The following TNFAIP8L3 variants were observed in gnomAD, a reference collection of about 807,000 sequenced individuals.
TNFAIP8L3 encodes the protein TNF alpha induced protein 8 like 3, also known as tumor necrosis factor alpha-induced protein 8-like protein 3.
TNFAIP8L3 carries 7 observed loss-of-function variants against 11.8 expected under a neutral mutation model. The ratio of observed to expected loss-of-function variants is 0.59; its 90% CI spans 0.34 to 1.11. The LOEUF (loss-of-function observed/expected upper bound fraction) is 1.11. TNFAIP8L3 is among the 50% of genes most tolerant of loss of function. The pLI, the probability that TNFAIP8L3 is intolerant of heterozygous loss-of-function variation, is 0.03. For missense variants in TNFAIP8L3, 219 were observed against 258.6 expected, an observed-to-expected ratio of 0.85 and a Z score of 1.05; for synonymous variants, 98 against 103.8, an observed-to-expected ratio of 0.94 and a Z score of 0.34.
At chr15:51,071,549 TC>T (rs1429552259) in intron 1 of TNFAIP8L3, among the ~76,000 whole-genome samples, 27 of 152,398 alleles carry the variant, frequency 1.8e-4, no homozygotes, top group Middle Eastern at 3.4e-3. Flanking sequence ...TTATTCCACA[TC>T]CTGTTTTCAA....
intron 1 of TNFAIP8L3, among the ~76,000 whole-genome samples, chr15:51,093,174 C>G (rs1186979067): frequency 6.6e-6 from 1 of 152,182 alleles, no homozygotes; most frequent in African/African-American, 2.4e-5. Flanking sequence ...TATATCATAC[C>G]TAGGCAAAGC....
intron 1 of TNFAIP8L3, among the ~76,000 whole-genome samples, chr15:51,060,349 C>T (rs185018452): frequency 2.6e-5 from 4 of 152,282 alleles, no homozygotes; most frequent in Non-Finnish European, 4.4e-5. Flanking sequence ...TTTGAGTAAT[C>T]GTCCTGTCAC....
intron 1 of TNFAIP8L3, among the ~76,000 whole-genome samples, chr15:51,086,858 T>C (rs1162524318): frequency 6.6e-6 from 1 of 152,122 alleles, no homozygotes; most frequent in Admixed American, 6.5e-5. Context: ...GCAAGGATCA[T>C]GCCATCTTAT....
At chr15:51,067,481 A>G (rs181073500) in intron 1 of TNFAIP8L3, among the ~76,000 whole-genome samples, 144 of 152,190 alleles carry the variant, frequency 9.5e-4, no homozygotes, top group East Asian at 8.1e-3. Context: ...AAAAAATGGA[A>G]CTCTTAGAAC....
At chr15:51,072,726 A>G (rs947351789) in intron 1 of TNFAIP8L3, among the ~76,000 whole-genome samples, 6 of 152,056 alleles carry the variant, frequency 3.9e-5, no homozygotes, top group Non-Finnish European at 8.8e-5. Context: ...TTCTTTTCAT[A>G]TCAGGTTTCT....
chr15:51,074,680 T>TG (rs981934760), intron 1 of TNFAIP8L3, among the ~76,000 whole-genome samples: 2 of 152,240 alleles, frequency 1.3e-5, no homozygotes, highest in Non-Finnish European at 2.9e-5. Context: ...ATAGTCGGGA[T>TG]GACAGCCAAA....
chr15:51,087,026 T>C (rs2065433493), intron 1 of TNFAIP8L3, among the ~76,000 whole-genome samples: 2 of 152,114 alleles, frequency 1.3e-5, no homozygotes, highest in African/African-American at 4.8e-5. Flanking sequence ...GTAGCTAGGA[T>C]TGCAGGCATG....
intron 1 of TNFAIP8L3, among the ~76,000 whole-genome samples, chr15:51,070,911 C>T (rs1159190324): frequency 6.7e-6 from 1 of 148,418 alleles, no homozygotes; most frequent in Non-Finnish European, 1.5e-5. Flanking sequence ...ATTAGCCGGG[C>T]GTAGTGGCGG....
intron 1 of TNFAIP8L3, among the ~76,000 whole-genome samples, chr15:51,076,415 G>C (rs1246711050): frequency 2.0e-5 from 3 of 152,142 alleles, no homozygotes; most frequent in Non-Finnish European, 4.4e-5. Context: ...TTAACTTCCT[G>C]GAAGTTTCTC....
Position 51,057,937 on chromosome 15 carries a change from TG to T in TNFAIP8L3, c.558del (p.Asn187ThrfsTer13). The part of the protein sequence containing the change: ...TLYSLDGDCR[P>X]NLKRICEGIN... The stretch of plus-strand genomic sequence containing the variant: ...ATTCCTTCACAAATCCTCTTGAGGT[TG>T]GGCCTACAGTCTCCATCCAGACTAT... On this transcript the variant is annotated frameshift_variant, in exon 2 of 2. Coordinates refer to ENST00000637513, the MANE Select transcript of TNFAIP8L3 (RefSeq NM_001311175.2). LOFTEE classifies it high-confidence loss of function. 1.4e-5 allele frequency: 22 copies of T among 1,605,254 alleles called. No individual in the cohort carries two copies. The highest frequency in any genetic ancestry group is 1.7e-5 in the Non-Finnish European group (20 of 1,177,264).
intron 1 of TNFAIP8L3, among the ~76,000 whole-genome samples, chr15:51,078,683 GCTC>G (rs1451830036): frequency 1.3e-5 from 2 of 151,700 alleles, no homozygotes; most frequent in Non-Finnish European, 2.9e-5. Context: ...ATTTCTCTCA[GCTC>G]CTTTCTCCAA....
At chr15:51,071,966 T>C (rs2065311736) in intron 1 of TNFAIP8L3, among the ~76,000 whole-genome samples, 1 of 152,240 alleles carries the variant, frequency 6.6e-6, no homozygotes, top group Admixed American at 6.5e-5. Context: ...TTTTCTCTTC[T>C]GCAAATTGCT....
At chr15:51,090,817 C>T (rs918932753) in intron 1 of TNFAIP8L3, among the ~76,000 whole-genome samples, 28 of 152,154 alleles carry the variant, frequency 1.8e-4, no homozygotes, top group African/African-American at 5.8e-4. Context: ...TCTGCAGCAC[C>T]GACCCAGGCA....
chr15:51,092,115 C>G (rs966876595), intron 1 of TNFAIP8L3, among the ~76,000 whole-genome samples: 2 of 152,314 alleles, frequency 1.3e-5, no homozygotes, highest in South Asian at 4.1e-4. Context: ...TTTACACTTA[C>G]AATGTCCATC....
intron 1 of TNFAIP8L3, among the ~76,000 whole-genome samples, chr15:51,103,050 C>A (rs1174281051): frequency 6.6e-6 from 1 of 152,134 alleles, no homozygotes; most frequent in Non-Finnish European, 1.5e-5. Context: ...CCCTTTTCTT[C>A]TTTTCTGGGT....
chr15:51,099,919 G>T (rs1397920028), intron 1 of TNFAIP8L3, among the ~76,000 whole-genome samples: 1 of 152,234 alleles, frequency 6.6e-6, no homozygotes, highest in Non-Finnish European at 1.5e-5. Flanking sequence ...TCAAAGGGAA[G>T]AAAGGAGTTG....
intron 1 of TNFAIP8L3, among the ~76,000 whole-genome samples, chr15:51,059,519 C>T (rs796766792): frequency 1.8e-4 from 28 of 152,288 alleles, no homozygotes; most frequent in African/African-American, 6.7e-4. Context: ...TGAAATGAAA[C>T]CCACTGGCTA....
At chr15:51,093,320 G>C (rs1301212652) in intron 1 of TNFAIP8L3, among the ~76,000 whole-genome samples, 1 of 152,220 alleles carries the variant, frequency 6.6e-6, no homozygotes, top group Non-Finnish European at 1.5e-5. Flanking sequence ...GCAGGGTGAA[G>C]GGCGTCACTG....
chr15:51,085,811 C>G (rs766297489), intron 1 of TNFAIP8L3, among the ~76,000 whole-genome samples: 7 of 152,140 alleles, frequency 4.6e-5, no homozygotes, highest in Non-Finnish European at 7.3e-5. Context: ...GCTCTCACAT[C>G]TTTTTCAAAT....
Sources: gnomAD v4.1 joint callset for allele counts (sites outside exome capture counted in the v4.1 genomes callset) on GRCh38, gnomAD v4.1.1 for gene constraint, MANE v1.5 for transcripts, NCBI Gene and HGNC (gene_info 2026-07-23, HGNC 2026-07-21) for gene names.